EYS: variants seen among roughly 807,000 people sequenced by gnomAD.
EYS encodes the protein EGF-like photoreceptor maintenance factor, also known as protein eyes shut homolog.
EYS carries 250 observed loss-of-function variants against 282.1 expected under a neutral mutation model. The observed-to-expected ratio is 0.89, with a 90% CI of 0.80 to 0.98. The LOEUF is 0.98. Among genes scored for constraint, EYS ranks in the 50% least tolerant of loss-of-function variants. The pLI is 0.00. For missense variants in EYS, 4,016 were observed against 3,709.0 expected (o/e 1.08, Z -2.15); for synonymous variants, 1,355 against 1,282.9 (o/e 1.06, Z -1.20).
intron 26 of EYS, among the ~76,000 whole-genome samples, chr6:64,588,994 T>C (rs2149829999): frequency 6.6e-6 from 1 of 152,174 alleles, no homozygotes; most frequent in South Asian, 2.1e-4. Flanking sequence ...TAATGAAGAA[T>C]TTGTGCCCTG....
chr6:63,998,788 TGTC>T (rs1242215926), intron 34 of EYS, among the ~76,000 whole-genome samples: 1 of 132,822 alleles, frequency 7.5e-6, no homozygotes. Flanking sequence ...ACTCTGGAGC[TGTC>T]TTTTTTTTTT....
chr6:65,621,007 T>C (rs1766460413), intron 2 of EYS, among the ~76,000 whole-genome samples: 1 of 152,116 alleles, frequency 6.6e-6, no homozygotes, highest in Non-Finnish European at 1.5e-5. Context: ...TGTGGTGTGG[T>C]GCTGAAAAAA....
At chr6:64,409,965 T>TA (rs1275362673) in intron 28 of EYS, among the ~76,000 whole-genome samples, 1 of 152,092 alleles carries the variant, frequency 6.6e-6, no homozygotes, top group Non-Finnish European at 1.5e-5. Flanking sequence ...AGCCTGGGTT[T>TA]AAAAAATCCA....
Position 65,596,968 on chromosome 6 carries a change from C to A in EYS, c.-333+42810G>T, listed in dbSNP as rs556629185. 2.0e-5 allele frequency among the ~76,000 whole-genome samples: 3 copies of A among 152,076 alleles called. No individual in the cohort carries two copies. The South Asian group carries it at 6.2e-4, about 32-fold the overall frequency. ...CATTAGAATGATGAGCTTCTGCTTT[C>A]AACAAAGAGAGAAGCCAGAGAACCG... On this transcript the variant is annotated intron_variant, in intron 2 of 42. Transcript: ENST00000503581.
chr6:65,118,625 C>G (rs1283345350), intron 12 of EYS, among the ~76,000 whole-genome samples: 1 of 152,212 alleles, frequency 6.6e-6, no homozygotes, highest in Admixed American at 6.5e-5. Context: ...ATTGTGTCAT[C>G]TGCACACAGT....
chr6:64,210,454 C>G (rs1487830673), intron 31 of EYS, among the ~76,000 whole-genome samples: 2 of 151,936 alleles, frequency 1.3e-5, no homozygotes, highest in Non-Finnish European at 2.9e-5. Context: ...CTTTTGTGTC[C>G]AAATTCTCCT....
intron 26 of EYS, among the ~76,000 whole-genome samples, chr6:64,536,122 C>T (rs968760463): frequency 6.6e-6 from 1 of 151,826 alleles, no homozygotes; most frequent in African/African-American, 2.4e-5. Flanking sequence ...TGTCAAAAAT[C>T]ACATGAAAAA....
At chr6:65,469,253 A>T (rs957474511) in intron 5 of EYS, among the ~76,000 whole-genome samples, 7 of 152,018 alleles carry the variant, frequency 4.6e-5, no homozygotes, top group Non-Finnish European at 1.0e-4. Flanking sequence ...AACTTTGTTA[A>T]TCATGAAATT....
chr6:64,095,041 A>C (rs1244672460), intron 31 of EYS, among the ~76,000 whole-genome samples: 1 of 152,086 alleles, frequency 6.6e-6, no homozygotes, highest in African/African-American at 2.4e-5. Context: ...CAGGTTGTTC[A>C]GTTTCCATGT....
chr6:64,516,221 G>A (rs1421914068), intron 26 of EYS, among the ~76,000 whole-genome samples: 1 of 151,302 alleles, frequency 6.6e-6, no homozygotes, highest in Non-Finnish European at 1.5e-5. Context: ...CAGATACCAG[G>A]CTTAATACCT....
chr6:64,630,332 C>A (rs958822612), intron 22 of EYS, among the ~76,000 whole-genome samples: 1 of 152,062 alleles, frequency 6.6e-6, no homozygotes, highest in Admixed American at 6.6e-5. Context: ...CTCCTGACCT[C>A]GTGATCCACC....
At chr6:65,270,762 C>T (rs1458693859) in intron 12 of EYS, among the ~76,000 whole-genome samples, 1 of 152,018 alleles carries the variant, frequency 6.6e-6, no homozygotes, top group Non-Finnish European at 1.5e-5. Flanking sequence ...AAATAAAATT[C>T]AGCAAAGTTC....
At chr6:64,120,486 C>T (rs1314639693) in intron 31 of EYS, among the ~76,000 whole-genome samples, 1 of 151,524 alleles carries the variant, frequency 6.6e-6, no homozygotes, top group African/African-American at 2.4e-5. Context: ...CTAAAATCTT[C>T]CTGTAGTTAA....
intron 22 of EYS, among the ~76,000 whole-genome samples, chr6:64,801,024 A>G (rs1337558062): frequency 2.0e-5 from 3 of 152,032 alleles, no homozygotes; most frequent in Admixed American, 2.0e-4. Flanking sequence ...CTAAATAATG[A>G]GAAGTTTATC....
intron 22 of EYS, among the ~76,000 whole-genome samples, chr6:64,658,010 G>T (rs1583006199): frequency 6.6e-6 from 1 of 152,094 alleles, no homozygotes; most frequent in Non-Finnish European, 1.5e-5. Context: ...TGTAGATTTG[G>T]TCTTTTCACA....
rs185309146 is a variant in EYS at position 65,433,160 on chromosome 6, T to C, written c.863-27793A>G. Among the ~76,000 whole-genome samples, 148 of 152,326 alleles carry C rather than the reference T, an allele frequency of 9.7e-4. 2 individuals carry two copies. The highest frequency in any genetic ancestry group is 3.2e-3 in the African/African-American group (131 of 41,578). ...TATTGAGCCTTTTCAGGTTATGGAT[T>C]GTTTTTAAATATATAAAACTAGACA... On this transcript the variant is annotated intron_variant, in intron 5 of 42. Coordinates refer to ENST00000503581, the MANE Select transcript of EYS (RefSeq NM_001142800.2).
At position 64,028,960 on chromosome 6, in the gene EYS, A is replaced by T. The variant is rs537561309; in HGVS notation, c.6726-29777T>A. On this transcript the variant is annotated intron_variant, in intron 33 of 42. Transcript: ENST00000503581. ...GAACGAATACAGCCTATACTGGCTT[A>T]TCCTCACCCTAAGACATTAAAACAG... 2.0e-5 allele frequency among the ~76,000 whole-genome samples: 3 copies of T among 152,324 alleles called. No individual in the cohort carries two copies. The South Asian group carries it at 6.2e-4, about 32-fold the overall frequency.
chr6:65,138,703 A>G (rs1367720194), intron 12 of EYS, among the ~76,000 whole-genome samples: 1 of 152,028 alleles, frequency 6.6e-6, no homozygotes, highest in Non-Finnish European at 1.5e-5. Context: ...TTCAGATAAA[A>G]ATAGCACCCC....
intron 40 of EYS, among the ~76,000 whole-genome samples, chr6:63,774,618 A>G (rs1408544747): frequency 6.6e-6 from 1 of 152,164 alleles, no homozygotes; most frequent in African/African-American, 2.4e-5. Flanking sequence ...AAAAAATTAT[A>G]AATATGTGAG....
Sources: allele counts gnomAD v4.1 joint callset (sites outside exome capture counted in the v4.1 genomes callset), GRCh38; gene constraint gnomAD v4.1.1; transcripts MANE v1.5; gene names NCBI Gene and HGNC (gene_info 2026-07-23, HGNC 2026-07-21).